The following AFAP1 variants were observed in gnomAD, a reference collection of about 807,000 sequenced individuals.
The protein encoded by AFAP1 is actin filament associated protein 1, also known as actin filament-associated protein 1.
A neutral mutation model predicts 93.9 loss-of-function variants in AFAP1; 75 were observed. The ratio of observed to expected loss-of-function variants is 0.80; its 90% CI spans 0.66 to 0.97. The LOEUF (loss-of-function observed/expected upper bound fraction) is 0.97, where lower values mean the gene tolerates loss of function less well. Among genes scored for constraint, AFAP1 ranks in the 50% least tolerant of loss-of-function variants. AFAP1 has a pLI of 0.00. For synonymous variants in AFAP1, 517 were observed against 430.7 expected (o/e 1.20, Z -2.48); for missense variants, 1,201 against 1,050.8 (o/e 1.14, Z -1.98).
At chr4:7,935,499 A>G (rs1721320866) in intron 1 of AFAP1, among the ~76,000 whole-genome samples, 1 of 146,232 alleles carries the variant, frequency 6.8e-6, no homozygotes, top group Admixed American at 6.7e-5. Context: ...AACAGAAAAT[A>G]AAACAGCAGG....
At chr4:7,789,292 GGAGA>G (rs1281813492) in intron 11 of AFAP1, among the ~76,000 whole-genome samples, 3 of 152,168 alleles carry the variant, frequency 2.0e-5, no homozygotes, top group African/African-American at 7.2e-5. Flanking sequence ...ACCAAAACCA[GGAGA>G]GAGTCAAGTG....
At chr4:7,768,815 C>T (rs1714983716) in intron 17 of AFAP1, 29 bp downstream of exon 17, 3 of 1,541,396 alleles carry the variant, frequency 1.9e-6, no homozygotes, top group Admixed American at 1.9e-5. Flanking sequence ...GCCCAGGACA[C>T]CCAGACACCC....
chr4:7,852,465 C>A (rs930563875), intron 4 of AFAP1, among the ~76,000 whole-genome samples: 1 of 152,134 alleles, frequency 6.6e-6, no homozygotes, highest in Non-Finnish European at 1.5e-5. Context: ...CACTACCCCA[C>A]AGTGGGAGTA....
chr4:7,875,119 A>T (rs749409584), intron 1 of AFAP1, among the ~76,000 whole-genome samples: 2 of 152,196 alleles, frequency 1.3e-5, no homozygotes, highest in Non-Finnish European at 2.9e-5. Flanking sequence ...CAACTGACAA[A>T]AGCATAATGA....
At chr4:7,770,591 T>A (rs1361074610) in intron 16 of AFAP1, among the ~76,000 whole-genome samples, 8 of 152,248 alleles carry the variant, frequency 5.3e-5, no homozygotes, top group African/African-American at 1.7e-4. Context: ...CCTTCTTTTT[T>A]TTAAGGATGG....
chr4:7,821,477 A>G (rs990485681), intron 6 of AFAP1, among the ~76,000 whole-genome samples: 1 of 152,166 alleles, frequency 6.6e-6, no homozygotes, highest in Non-Finnish European at 1.5e-5. Context: ...ACATGCAGTC[A>G]CCACATGTTT....
In AFAP1 at chr4:7,772,940, C is replaced by G; in HGVS notation, c.2133G>C (p.Ala711=). ...QLEEECRQKE[A]ERVSLELELT... ...GCTCCAGCTCCAGGCTGACACGCTC[C>G]GCCTCCTTCTGCCGGCACTCCTCCT... is the stretch of plus-strand genomic sequence containing the variant. Residue 711 remains alanine, a synonymous_variant, in exon 16 of 18, where the codon GCG becomes GCC. Transcript: ENST00000420658. The G allele has an allele frequency of 6.2e-7, 1 of 1,613,860 alleles. No individual in the cohort carries two copies. Among genetic ancestry groups the G allele is most frequent in the Admixed American group, 1.7e-5 (1 of 60,030 alleles).
intron 1 of AFAP1, among the ~76,000 whole-genome samples, chr4:7,920,690 C>A (rs1720389190): frequency 6.6e-6 from 1 of 152,326 alleles, no homozygotes; most frequent in African/African-American, 2.4e-5. Flanking sequence ...AAACTGCAAT[C>A]CCTAAAAGAC....
intron 15 of AFAP1, chr4:7,773,318 C>T (rs1715700079): frequency 6.2e-6 from 2 of 320,138 alleles, no homozygotes; most frequent in Admixed American, 4.6e-5. Flanking sequence ...ACCCTAAACT[C>T]CACAGTTCCC....
At chr4:7,770,593 T>A (rs1246279021) in intron 16 of AFAP1, among the ~76,000 whole-genome samples, 2 of 152,062 alleles carry the variant, frequency 1.3e-5, no homozygotes, top group South Asian at 2.1e-4. Context: ...TTCTTTTTTT[T>A]AAGGATGGAT....
chr4:7,808,269 C>T (rs1307291895), intron 9 of AFAP1, among the ~76,000 whole-genome samples: 3 of 152,140 alleles, frequency 2.0e-5, no homozygotes, highest in African/African-American at 7.2e-5. Flanking sequence ...GAAGGCATTC[C>T]GGATGGAAAC....
intron 3 of AFAP1, among the ~76,000 whole-genome samples, chr4:7,857,408 T>C (rs574469497): frequency 4.9e-4 from 75 of 152,320 alleles, no homozygotes; most frequent in Non-Finnish European, 1.0e-3. Context: ...ATCTGCACAA[T>C]ATTCCTTCAG....
At chr4:7,870,634 G>A (rs1018409002) in intron 2 of AFAP1, among the ~76,000 whole-genome samples, 1 of 152,054 alleles carries the variant, frequency 6.6e-6, no homozygotes, top group Non-Finnish European at 1.5e-5. Flanking sequence ...TCCAGCCTGT[G>A]TGACACAGTG....
chr4:7,931,708 G>A (rs1721078364), intron 1 of AFAP1, among the ~76,000 whole-genome samples: 1 of 151,814 alleles, frequency 6.6e-6, no homozygotes, highest in Non-Finnish European at 1.5e-5. Context: ...AAAATTTTCT[G>A]GAATGCAACC....
intron 4 of AFAP1, among the ~76,000 whole-genome samples, chr4:7,850,972 G>GC (rs1560198917): frequency 6.6e-6 from 1 of 151,934 alleles, no homozygotes; most frequent in African/African-American, 2.4e-5. Flanking sequence ...AACAGCTCCC[G>GC]CAAGTGTGCA....
intron 1 of AFAP1, among the ~76,000 whole-genome samples, chr4:7,935,100 A>C (rs1273127108): frequency 6.6e-6 from 1 of 152,238 alleles, no homozygotes; most frequent in Non-Finnish European, 1.5e-5. Context: ...TACATTAAAC[A>C]TTTGGGATTT....
At position 7,781,523 on chromosome 4, in the gene AFAP1, G is replaced by C. The variant is rs1560153852; in HGVS notation, c.1635C>G (p.Ile545Met). The C allele has an allele frequency of 6.4e-7, 1 of 1,552,236 alleles. No homozygotes were observed. The highest frequency in any genetic ancestry group is 8.7e-7 in the Non-Finnish European group (1 of 1,147,104). The change falls in exon 13 of 18, where the codon ATC becomes ATG. Residue 545 changes from isoleucine to methionine, a missense_variant. Coordinates refer to ENST00000420658, the MANE Select transcript of AFAP1 (RefSeq NM_001134647.2). Reference protein sequence around the residue: ...GLYDNLPPPHIFARYSPADRK... With the variant: ...GLYDNLPPPHMFARYSPADRK... ...TGTCAGCAGGAGAGTAGCGGGCAAA[G>C]ATGTGCGGAGGCGGCAAGTTATCGT...
chr4:7,865,162 T>C (rs755575149), intron 3 of AFAP1, among the ~76,000 whole-genome samples: 15 of 152,092 alleles, frequency 9.9e-5, no homozygotes, highest in Admixed American at 3.9e-4. Flanking sequence ...CAGAACCCCA[T>C]AGGTAGCAAC....
At chr4:7,856,805 GCAGGAAAGC>G (rs1205036609) in intron 3 of AFAP1, among the ~76,000 whole-genome samples, 1 of 152,166 alleles carries the variant, frequency 6.6e-6, no homozygotes, top group Non-Finnish European at 1.5e-5. Context: ...TGGCTGAGTG[GCAGGAAAGC>G]CAGCATTCGC....
Sources: gnomAD v4.1 joint callset for allele counts (sites outside exome capture counted in the v4.1 genomes callset) on GRCh38, gnomAD v4.1.1 for gene constraint, MANE v1.5 for transcripts, NCBI Gene and HGNC (gene_info 2026-07-23, HGNC 2026-07-21) for gene names.